PODXL: variants seen among roughly 807,000 people sequenced by gnomAD.
The protein encoded by PODXL is podocalyxin like, also known as podocalyxin.
Under a neutral mutation model 48.9 loss-of-function variants are expected in PODXL, and 20 were observed. That is an observed-to-expected ratio of 0.41 (90% confidence interval 0.29 to 0.59). The LOEUF is 0.59. PODXL is among the 20% of genes least tolerant of loss of function. PODXL has a pLI of 0.31. For missense variants in PODXL, 606 were observed against 675.1 expected, an observed-to-expected ratio of 0.90 and a Z score of 1.13; for synonymous variants, 295 against 287.4, an observed-to-expected ratio of 1.03 and a Z score of -0.27.
At chr7:131,542,571 C>A (rs887909273) in intron 1 of PODXL, among the ~76,000 whole-genome samples, 1 of 152,110 alleles carries the variant, frequency 6.6e-6, no homozygotes, top group Non-Finnish European at 1.5e-5. Flanking sequence ...GCAGGAGGAT[C>A]GCTTCAGCCT....
At position 131,505,989 on chromosome 7, in the gene PODXL, T is replaced by G. The variant is rs776488681; in HGVS notation, c.1358A>C (p.Glu453Ala). 8 of 1,612,546 alleles carry G rather than the reference T, an allele frequency of 5.0e-6. No homozygotes were observed. Among genetic ancestry groups the G allele is most frequent in the East Asian group, 2.2e-5 (1 of 44,840 alleles). Residue 453 changes from glutamate (E) to alanine (A), a missense_variant, in exon 8 of 9, where the codon GAG becomes GCG. Glu to Ala is a moderately radical substitution (Grantham distance 107). Transcript: ENST00000378555. ...GGGCATGCTGAAGCGGTCCTCGGCC[T>G]CCTCCGGTGGCCCCTGGTCCCCTAG... Reference protein sequence around the residue: ...MKLGDQGPPEEAEDRFSMPLI... With the variant: ...MKLGDQGPPEAAEDRFSMPLI...
chr7:131,524,991 C>G (rs992378446), intron 1 of PODXL, among the ~76,000 whole-genome samples: 4 of 152,130 alleles, frequency 2.6e-5, no homozygotes, highest in Admixed American at 6.5e-5. Flanking sequence ...AAAGTCTGCA[C>G]AGCATTTGAT....
rs1383617436 is a variant in PODXL, at chr7:131,511,348, C to G, written c.186G>C (p.Gln62His). The change falls in exon 2 of 9, where the codon CAG becomes CAC. Residue 62 changes from glutamine (Q) to histidine (H), a missense_variant. Physicochemically the swap from Gln to His is conservative, Grantham distance 24. Coordinates refer to ENST00000378555, the MANE Select transcript of PODXL (RefSeq NM_001018111.3). ...SVTIMATDTA[Q>H]QSTVPTSKAN... Reference sequence around the variant, plus strand: ...CCTTGGAAGTGGGGACTGTGCTCTGCTGGGCTGTATCTGTAGCCATGATGG... The same window carrying G: ...CCTTGGAAGTGGGGACTGTGCTCTGGTGGGCTGTATCTGTAGCCATGATGG... 1 of 1,611,654 alleles carries G rather than the reference C, an allele frequency of 6.2e-7. No individual in the cohort carries two copies. The highest frequency in any genetic ancestry group is 8.5e-7 in the Non-Finnish European group (1 of 1,179,972).
chr7:131,517,730 C>T (rs765134929), intron 1 of PODXL, among the ~76,000 whole-genome samples: 1 of 149,690 alleles, frequency 6.7e-6, no homozygotes, highest in Non-Finnish European at 1.5e-5. Context: ...AACACAAGAC[C>T]TTCCTCCTTG....
At chr7:131,556,235 G>T in intron 1 of PODXL, 25 bp downstream of exon 1, 1 of 1,458,626 alleles carries the variant, frequency 6.9e-7, no homozygotes, top group East Asian at 2.9e-5. Context: ...TGGGAGTCCC[G>T]GCGGAACCCA....
At chr7:131,508,573 A>G (rs767352536) in intron 5 of PODXL, among the ~76,000 whole-genome samples, 1 of 151,958 alleles carries the variant, frequency 6.6e-6, no homozygotes, top group Admixed American at 6.6e-5. Flanking sequence ...CTCATTTTCA[A>G]TTGAGACATC....
intron 1 of PODXL, among the ~76,000 whole-genome samples, chr7:131,538,866 G>A (rs1390304946): frequency 1.3e-5 from 2 of 152,170 alleles, no homozygotes; most frequent in Admixed American, 6.5e-5. Flanking sequence ...GAAGGGGATG[G>A]GTTCTTCCTG....
intron 1 of PODXL, among the ~76,000 whole-genome samples, chr7:131,540,640 C>G (rs1798461821): frequency 6.6e-6 from 1 of 152,188 alleles, no homozygotes; most frequent in African/African-American, 2.4e-5. Context: ...CTTCCCCTAG[C>G]AGTAAGTTCA....
chr7:131,555,130 C>G (rs951240794), intron 1 of PODXL, among the ~76,000 whole-genome samples: 2 of 152,172 alleles, frequency 1.3e-5, no homozygotes, highest in Non-Finnish European at 2.9e-5. Context: ...TACTGCCCTT[C>G]CATCTCCCCT....
intron 1 of PODXL, among the ~76,000 whole-genome samples, chr7:131,535,459 C>G (rs1314119582): frequency 6.6e-6 from 1 of 152,210 alleles, no homozygotes; most frequent in Non-Finnish European, 1.5e-5. Context: ...CTCCATGGCC[C>G]TGTGTGCAGG....
intron 1 of PODXL, among the ~76,000 whole-genome samples, chr7:131,520,744 A>G (rs994389530): frequency 5.3e-5 from 8 of 152,240 alleles, no homozygotes; most frequent in African/African-American, 1.9e-4. Context: ...GCGCAAACCA[A>G]AGAAAAAGAC....
intron 1 of PODXL, among the ~76,000 whole-genome samples, chr7:131,554,961 T>A (rs548645253): frequency 6.6e-6 from 1 of 152,226 alleles, no homozygotes; most frequent in East Asian, 1.9e-4. Context: ...CAGCCCCTCT[T>A]CCAGGGACAC....
intron 1 of PODXL, among the ~76,000 whole-genome samples, chr7:131,526,694 AAGTT>A (rs1371947936): frequency 6.6e-6 from 1 of 151,036 alleles, no homozygotes; most frequent in Non-Finnish European, 1.5e-5. Context: ...TTATCAAAGA[AAGTT>A]AGACGTGTAC....
chr7:131,515,300 G>A lies in PODXL; in HGVS notation c.101-3867C>T, dbSNP rs73722843. The stretch of plus-strand genomic sequence containing the variant: ...TTTGTTTGCAGCTGAAGGGCTGAGA[G>A]GGCCCTTTAAAAGACTTTAAAAGCT... On this transcript the variant is annotated intron_variant, in intron 1 of 8. Transcript: ENST00000378555. 7.9e-5 allele frequency among the ~76,000 whole-genome samples: 12 copies of A among 152,264 alleles called. No homozygotes were observed. In the South Asian group the frequency reaches 2.3e-3, roughly 29 times the overall value.
chr7:131,549,357 G>A (rs181907491), intron 1 of PODXL, among the ~76,000 whole-genome samples: 73 of 152,278 alleles, frequency 4.8e-4, no homozygotes, highest in Middle Eastern at 6.8e-3. Context: ...GTCATGCAAA[G>A]GCAGGCTACC....
At chr7:131,516,372 C>T (rs1218697035) in intron 1 of PODXL, among the ~76,000 whole-genome samples, 4 of 152,188 alleles carry the variant, frequency 2.6e-5, no homozygotes, top group African/African-American at 9.6e-5. Flanking sequence ...AACCCCGTCT[C>T]TACTAAAAAT....
chr7:131,521,992 G>T (rs1047732712), intron 1 of PODXL, among the ~76,000 whole-genome samples: 1 of 152,242 alleles, frequency 6.6e-6, no homozygotes, highest in South Asian at 2.1e-4. Flanking sequence ...AAGCAAAGCA[G>T]AGCTGTGGGC....
chr7:131,506,200 C>G, intron 7 of PODXL, 60 bp downstream of exon 7: 1 of 1,582,218 alleles, frequency 6.3e-7, no homozygotes, highest in Admixed American at 1.7e-5. Flanking sequence ...AGGGGAGTAA[C>G]CAGACCTCCC....
At position 131,501,222 on chromosome 7, in the gene PODXL, A is replaced by G. The variant is rs915436925; in HGVS notation, c.*3089T>C. On this transcript the variant is annotated 3_prime_UTR_variant, in exon 9 of 9. Transcript: ENST00000378555. ...CAAGCAAAAACTTGTCATTTCCAGTAAGACATTTACATTCCTGTCCAGAGA... is the reference window on the plus strand; with the variant it reads ...CAAGCAAAAACTTGTCATTTCCAGTGAGACATTTACATTCCTGTCCAGAGA... 6.6e-6 allele frequency: 1 copy of G among 152,632 alleles called. No individual in the cohort carries two copies. Among genetic ancestry groups the G allele is most frequent in the Non-Finnish European group, 1.5e-5 (1 of 68,036 alleles). The allele number at this position is 152,632 out of a possible 1,614,324, so 9.5% of individuals were successfully genotyped here. A position where few individuals can be genotyped will look rare whatever the true frequency, so the allele number is the denominator to read the frequency against.
Sources: gnomAD v4.1 joint callset for allele counts (sites outside exome capture counted in the v4.1 genomes callset) on GRCh38, gnomAD v4.1.1 for gene constraint, MANE v1.5 for transcripts, NCBI Gene and HGNC (gene_info 2026-07-23, HGNC 2026-07-21) for gene names.